Variants in KCNIP4 observed in about 807,000 individuals in gnomAD.
The protein encoded by KCNIP4 is potassium voltage-gated channel interacting protein 4.
KCNIP4 carries 12 observed loss-of-function variants against 34.0 expected under a neutral mutation model. That is an observed-to-expected ratio of 0.35 (90% CI 0.23 to 0.57). KCNIP4 has a LOEUF of 0.57. Ranked by LOEUF, KCNIP4 falls within the 20% of genes least tolerant of loss-of-function variation. The pLI is 0.83. For synonymous variants in KCNIP4, 124 were observed against 102.2 expected, an observed-to-expected ratio of 1.21 and a Z score of -1.29; for missense variants, 238 against 311.7, an observed-to-expected ratio of 0.76 and a Z score of 1.78.
At chr4:21,577,990 T>G (rs1208587692) in intron 1 of KCNIP4, among the ~76,000 whole-genome samples, 1 of 152,174 alleles carries the variant, frequency 6.6e-6, no homozygotes, top group Non-Finnish European at 1.5e-5. Flanking sequence ...TATCCACATT[T>G]TAGAAGCAAG....
chr4:21,238,282 G>A (rs1759528072), intron 1 of KCNIP4, among the ~76,000 whole-genome samples: 1 of 152,072 alleles, frequency 6.6e-6, no homozygotes, highest in South Asian at 2.1e-4. Flanking sequence ...CATACTGAAT[G>A]GGCAAAAACT....
chr4:21,010,924 G>A (rs1739007284), intron 1 of KCNIP4, among the ~76,000 whole-genome samples: 1 of 152,168 alleles, frequency 6.6e-6, no homozygotes, highest in Non-Finnish European at 1.5e-5. Context: ...ATGAAACCAA[G>A]CAGTTTCAAG....
At chr4:21,709,533 T>C (rs926074574) in intron 1 of KCNIP4, among the ~76,000 whole-genome samples, 5 of 152,194 alleles carry the variant, frequency 3.3e-5, no homozygotes, top group Non-Finnish European at 7.3e-5. Flanking sequence ...TCACTTGAAA[T>C]TGAACTGTTT....
chr4:20,900,946 C>T (rs185576572), intron 1 of KCNIP4, among the ~76,000 whole-genome samples: 2 of 152,150 alleles, frequency 1.3e-5, no homozygotes. Flanking sequence ...CCTATCTATT[C>T]TCTGATTGAG....
intron 2 of KCNIP4, among the ~76,000 whole-genome samples, chr4:20,862,517 G>T (rs1722311193): frequency 6.6e-6 from 1 of 152,056 alleles, no homozygotes; most frequent in Non-Finnish European, 1.5e-5. Flanking sequence ...TGAGCAAAGA[G>T]AAAAATTTTA....
At chr4:21,173,071 A>G (rs1208275134) in intron 1 of KCNIP4, among the ~76,000 whole-genome samples, 1 of 152,162 alleles carries the variant, frequency 6.6e-6, no homozygotes, top group Non-Finnish European at 1.5e-5. Context: ...TTGCCAGGAA[A>G]TAGATTCTGT....
chr4:21,111,074 G>A (rs1040942527), intron 1 of KCNIP4, among the ~76,000 whole-genome samples: 2 of 152,120 alleles, frequency 1.3e-5, no homozygotes, highest in Non-Finnish European at 2.9e-5. Flanking sequence ...TCTAGAGAAC[G>A]TTTTCCTTTG....
intron 1 of KCNIP4, among the ~76,000 whole-genome samples, chr4:21,049,945 C>A (rs1267752203): frequency 6.6e-6 from 1 of 152,184 alleles, no homozygotes; most frequent in Non-Finnish European, 1.5e-5. Flanking sequence ...ACAAGTGACT[C>A]TCATGCATCT....
At chr4:21,140,704 C>T (rs947614503) in intron 1 of KCNIP4, among the ~76,000 whole-genome samples, 10 of 152,124 alleles carry the variant, frequency 6.6e-5, no homozygotes, top group African/African-American at 2.2e-4. Context: ...ATCCAGTTTT[C>T]CAGTCTTTTT....
Position 20,728,808 on chromosome 4 carries a change from CAGTTGCAA to C in KCNIP4, c.*1266_*1273del, listed in dbSNP as rs1346613993. The C allele has an allele frequency of 6.6e-6, 1 of 152,486 alleles. No individual in the cohort carries two copies. Among genetic ancestry groups the C allele is most frequent in the Non-Finnish European group, 1.5e-5 (1 of 67,982 alleles). The allele number at this position is 152,486 out of a possible 1,614,324, so 9.4% of individuals were successfully genotyped here. A position where few individuals can be genotyped will look rare whatever the true frequency, so the allele number is the denominator to read the frequency against. On this transcript the variant is annotated 3_prime_UTR_variant, in exon 9 of 9. Coordinates refer to ENST00000382152, the MANE Select transcript of KCNIP4 (RefSeq NM_025221.6). The stretch of plus-strand genomic sequence containing the variant: ...GATACCTGATTTATTGTTGCAAAGA[CAGTTGCAA>C]ATTTCCTCCTTCTGTAGCCTCTTGG...
chr4:20,967,378 C>A (rs1045736685), intron 1 of KCNIP4, among the ~76,000 whole-genome samples: 1 of 152,122 alleles, frequency 6.6e-6, no homozygotes, highest in Non-Finnish European at 1.5e-5. Context: ...AGATTCAATG[C>A]AATCCCCATC....
intron 1 of KCNIP4, among the ~76,000 whole-genome samples, chr4:21,246,242 C>T (rs1319720309): frequency 1.3e-5 from 2 of 152,070 alleles, no homozygotes; most frequent in Admixed American, 6.6e-5. Flanking sequence ...AATATGTGGC[C>T]CTGGCTTGCT....
At chr4:20,947,140 C>G (rs997668661) in intron 1 of KCNIP4, among the ~76,000 whole-genome samples, 1 of 151,964 alleles carries the variant, frequency 6.6e-6, no homozygotes, top group African/African-American at 2.4e-5. Flanking sequence ...CGTGACTTTG[C>G]CTGATATTCC....
At chr4:20,743,190 G>T (rs1751592556) in intron 5 of KCNIP4, among the ~76,000 whole-genome samples, 1 of 152,082 alleles carries the variant, frequency 6.6e-6, no homozygotes, top group African/African-American at 2.4e-5. Flanking sequence ...TGGCCATACT[G>T]CCCAAGGTGT....
Position 20,729,974 on chromosome 4 carries a change from A to G in KCNIP4, c.*108T>C, listed in dbSNP as rs534836902. The stretch of plus-strand genomic sequence containing the variant: ...TTAAAACAAAGCTTGTTTGCATAAT[A>G]TGCTTCAGTGTCAAGCTGAGCAATC... On this transcript the variant is annotated 3_prime_UTR_variant, in exon 9 of 9. Coordinates refer to ENST00000382152, the MANE Select transcript of KCNIP4 (RefSeq NM_025221.6). The G allele has an allele frequency of 1.6e-6, 2 of 1,273,028 alleles. No individual in the cohort carries two copies. Among genetic ancestry groups the G allele is most frequent in the Admixed American group, 2.7e-5 (1 of 37,116 alleles). 78.9% of individuals were successfully genotyped at this position (1,273,028 alleles called of 1,614,324 possible). A position where few individuals can be genotyped will look rare whatever the true frequency, so the allele number is the denominator to read the frequency against.
At chr4:21,630,582 C>G (rs192638437) in intron 1 of KCNIP4, among the ~76,000 whole-genome samples, 3 of 152,116 alleles carry the variant, frequency 2.0e-5, no homozygotes, top group Non-Finnish European at 4.4e-5. Flanking sequence ...TCTCTTTCCC[C>G]GGACCCTGCT....
At chr4:21,225,881 C>T (rs1758345432) in intron 1 of KCNIP4, among the ~76,000 whole-genome samples, 1 of 152,078 alleles carries the variant, frequency 6.6e-6, no homozygotes, top group Admixed American at 6.6e-5. Context: ...CCAGTAGGGT[C>T]ACAGAATCTC....
At chr4:21,828,749 G>A (rs1475728514) in intron 1 of KCNIP4, among the ~76,000 whole-genome samples, 3 of 151,828 alleles carry the variant, frequency 2.0e-5, no homozygotes, top group Non-Finnish European at 4.4e-5. Flanking sequence ...CAAAATAGAA[G>A]TATATATTCA....
intron 1 of KCNIP4, among the ~76,000 whole-genome samples, chr4:21,294,316 C>T (rs528980287): frequency 6.6e-6 from 1 of 152,234 alleles, no homozygotes; most frequent in Admixed American, 6.5e-5. Flanking sequence ...GTACCTTCAA[C>T]AACAAGATCT....
Sources: gnomAD v4.1 joint callset for allele counts (sites outside exome capture counted in the v4.1 genomes callset) on GRCh38, gnomAD v4.1.1 for gene constraint, MANE v1.5 for transcripts, NCBI Gene and HGNC (gene_info 2026-07-23, HGNC 2026-07-21) for gene names.